The following LRRC69 variants were observed in gnomAD, a reference collection of about 807,000 sequenced individuals.
The protein encoded by LRRC69 is leucine rich repeat containing 69.
LRRC69 carries 42 observed loss-of-function variants against 37.8 expected under a neutral mutation model. The observed-to-expected ratio is 1.11, with a 90% confidence interval of 0.87 to 1.44. The LOEUF (loss-of-function observed/expected upper bound fraction) is 1.44, where lower values mean the gene tolerates loss of function less well. Ranked by LOEUF, LRRC69 falls within the 40% of genes most tolerant of loss-of-function variation. The probability of loss-of-function intolerance (pLI) is 0.00; values close to 1 mark genes in which losing one functional copy is unlikely to be tolerated. For missense variants in LRRC69, 357 were observed against 401.9 expected (o/e 0.89, Z 0.96); for synonymous variants, 141 against 143.1 (o/e 0.99, Z 0.11).
At position 91,218,630 on chromosome 8, in the gene LRRC69, G is replaced by T. The variant is rs76612103; in HGVS notation, c.934-260G>T. ...TCACCTTCATTTCAAACACTTTATG[G>T]TTAGACTACATAATGATATGTTTGA... On this transcript the variant is annotated intron_variant, in intron 7 of 7. Transcript: ENST00000448384. Among the ~76,000 whole-genome samples, 1,291 of 152,170 alleles carry T rather than the reference G, an allele frequency of 8.5e-3. 23 individuals carry two copies. The highest frequency in any genetic ancestry group is 0.03 in the African/African-American group (1,254 of 41,524).
chr8:91,199,193 G>GT (rs1367230621), intron 6 of LRRC69, among the ~76,000 whole-genome samples: 1 of 152,168 alleles, frequency 6.6e-6, no homozygotes, highest in African/African-American at 2.4e-5. Context: ...TATAAAATCA[G>GT]TATTTATTTA....
intron 5 of LRRC69, among the ~76,000 whole-genome samples, chr8:91,182,955 G>A (rs935243304): frequency 1.3e-5 from 2 of 152,164 alleles, no homozygotes; most frequent in African/African-American, 4.8e-5. Context: ...TCCTGGAGGA[G>A]GTGACACAAG....
At chr8:91,166,492 GAAAAAAAAAA>G (rs66705016) in intron 5 of LRRC69, among the ~76,000 whole-genome samples, 3 of 95,298 alleles carry the variant, frequency 3.1e-5, no homozygotes, top group African/African-American at 1.5e-4. Flanking sequence ...AAAATAAACT[GAAAAAAAAAA>G]AAAAAAAAAA....
intron 2 of LRRC69, among the ~76,000 whole-genome samples, chr8:91,126,836 T>C (rs1192661329): frequency 6.6e-6 from 1 of 152,046 alleles, no homozygotes; most frequent in African/African-American, 2.4e-5. Context: ...TGGGTGCTTT[T>C]AGCTTCTGAT....
intron 3 of LRRC69, chr8:91,130,425 CCA>C (rs1813787544): frequency 6.6e-6 from 1 of 151,994 alleles, no homozygotes; most frequent in South Asian, 2.1e-4. Context: ...CAGGTGCCTG[CCA>C]CCACACCCAG....
In LRRC69 at chr8:91,169,671, C is replaced by CGT. The variant is rs1563612661; in HGVS notation, c.652-19851_652-19850insGT. Among the ~76,000 whole-genome samples the CGT allele has an allele frequency of 4.4e-3, 462 of 104,858 alleles. 7 individuals are homozygous for CGT. Among genetic ancestry groups the CGT allele is most frequent in the African/African-American group, 0.019 (423 of 22,180 alleles). The allele number at this position is 104,858 out of a possible 152,430, so 68.8% of individuals were successfully genotyped here. On this transcript the variant is annotated intron_variant, in intron 5 of 7. Transcript: ENST00000448384. ...TATCTCCCAATGCTATCCCCTCCCC[C>CGT]CCTACCCCCACCCCACAACAGTCCC...
At chr8:91,151,854 G>GT (rs1563606065) in intron 5 of LRRC69, among the ~76,000 whole-genome samples, 1 of 151,468 alleles carries the variant, frequency 6.6e-6, no homozygotes. Context: ...TTGTGGGATG[G>GT]TATCTCATTG....
intron 5 of LRRC69, among the ~76,000 whole-genome samples, chr8:91,174,647 C>A (rs1809192624): frequency 6.6e-6 from 1 of 152,230 alleles, no homozygotes; most frequent in South Asian, 2.1e-4. Flanking sequence ...GTTGCTTGGT[C>A]TGAATACATT....
intron 1 of LRRC69, among the ~76,000 whole-genome samples, chr8:91,115,102 A>G (rs916914389): frequency 5.3e-5 from 8 of 151,962 alleles, no homozygotes; most frequent in Non-Finnish European, 1.0e-4. Flanking sequence ...TGTAAGATAA[A>G]TAAGTTTTGG....
intron 1 of LRRC69, among the ~76,000 whole-genome samples, chr8:91,121,829 A>C (rs1813628077): frequency 6.6e-6 from 1 of 152,074 alleles, no homozygotes; most frequent in African/African-American, 2.4e-5. Flanking sequence ...ATTCACTTAG[A>C]ATATGTGCAG....
chr8:91,127,572 T>TA (rs1210683676), intron 3 of LRRC69, among the ~76,000 whole-genome samples: 8 of 126,326 alleles, frequency 6.3e-5, no homozygotes, highest in Non-Finnish European at 1.3e-4. Context: ...TTTTCGTTTT[T>TA]AAAAACCCCA....
At chr8:91,129,243 AAGTC>A (rs1246482807) in intron 3 of LRRC69, among the ~76,000 whole-genome samples, 1 of 151,990 alleles carries the variant, frequency 6.6e-6, no homozygotes, top group Non-Finnish European at 1.5e-5. Context: ...GCAAGGGACT[AAGTC>A]AGCAGGCTCA....
chr8:91,112,957 AAATC>A (rs751696791), intron 1 of LRRC69, among the ~76,000 whole-genome samples: 16 of 152,018 alleles, frequency 1.1e-4, no homozygotes, highest in South Asian at 8.3e-4. Context: ...GGGAATTAAA[AAATC>A]AATCCATTTA....
At chr8:91,108,302 T>C (rs1441322969) in intron 1 of LRRC69, among the ~76,000 whole-genome samples, 1 of 152,086 alleles carries the variant, frequency 6.6e-6, no homozygotes, top group Non-Finnish European at 1.5e-5. Flanking sequence ...CATTCATTCA[T>C]ACATTAAACA....
intron 6 of LRRC69, among the ~76,000 whole-genome samples, chr8:91,195,849 AAGTTAATATTGTTATG>A (rs1332999317): frequency 6.6e-6 from 1 of 151,210 alleles, no homozygotes; most frequent in African/African-American, 2.4e-5. Context: ...TTTACATTTA[AAGTTAATATTGTTATG>A]TGTGAATTTG....
chr8:91,103,854 T>C (rs1449043576), intron 1 of LRRC69, among the ~76,000 whole-genome samples: 1 of 151,966 alleles, frequency 6.6e-6, no homozygotes, highest in East Asian at 1.9e-4. Context: ...TGCAAAAGAA[T>C]TTGGGACTTG....
intron 1 of LRRC69, among the ~76,000 whole-genome samples, chr8:91,106,207 A>T (rs1813308914): frequency 6.6e-6 from 1 of 152,036 alleles, no homozygotes; most frequent in African/African-American, 2.4e-5. Context: ...ATGTGGCTAT[A>T]GTCATACCGT....
Position 91,209,964 on chromosome 8 carries a change from G to T in LRRC69, c.934-8926G>T, listed in dbSNP as rs1259647700. Among the ~76,000 whole-genome samples the T allele has an allele frequency of 2.0e-5, 3 of 152,144 alleles. No individual in the cohort carries two copies. The East Asian group carries it at 5.8e-4, about 29-fold the overall frequency. On this transcript the variant is annotated intron_variant, in intron 7 of 7. Transcript: ENST00000448384. ...CTATGCTAAGCTCTCTGGATCCAAAGATGAATAAGATGCAGTTCATGCTAT... is the reference window on the plus strand; with the variant it reads ...CTATGCTAAGCTCTCTGGATCCAAATATGAATAAGATGCAGTTCATGCTAT...
intron 5 of LRRC69, among the ~76,000 whole-genome samples, chr8:91,181,825 T>A (rs1215372338): frequency 6.6e-6 from 1 of 152,058 alleles, no homozygotes; most frequent in East Asian, 1.9e-4. Context: ...GTGTCCAAAA[T>A]AAGTAAAGTT....
Sources: allele counts gnomAD v4.1 joint callset (sites outside exome capture counted in the v4.1 genomes callset), GRCh38; gene constraint gnomAD v4.1.1; transcripts MANE v1.5; gene names NCBI Gene and HGNC (gene_info 2026-07-23, HGNC 2026-07-21).